The following RTKN variants were observed in gnomAD, a reference collection of about 807,000 sequenced individuals.
RTKN encodes the protein rhotekin.
In RTKN, 49 loss-of-function variants were observed where a neutral mutation model predicts 63.5. That is an observed-to-expected ratio of 0.77 (90% CI 0.61 to 0.98). RTKN has a LOEUF of 0.98. Among genes scored for constraint, RTKN ranks in the 50% least tolerant of loss-of-function variants. The pLI, the probability that RTKN is intolerant of heterozygous loss-of-function variation, is 0.00. For missense variants in RTKN, 685 were observed against 740.8 expected (o/e 0.92, Z 0.87); for synonymous variants, 295 against 290.4 (o/e 1.02, Z -0.16).
intron 11 of RTKN, 61 bp downstream of exon 11, chr2:74,427,108 T>C: frequency 6.4e-7 from 1 of 1,563,830 alleles, no homozygotes; most frequent in East Asian, 2.2e-5. Flanking sequence ...ATCTGGTTTC[T>C]CTTGAAGTCC....
At chr2:74,439,556 G>C in intron 1 of RTKN, 8 of 1,614,150 alleles carry the variant, frequency 5.0e-6, no homozygotes, top group Non-Finnish European at 5.9e-6. Context: ...ATTACCTCCA[G>C]GCTGAGTGCC....
chr2:74,427,677 A>T, intron 9 of RTKN, 85 bp from the exon 10 acceptor site: 1 of 1,427,746 alleles, frequency 7.0e-7, no homozygotes, highest in Admixed American at 2.0e-5. Context: ...CCTTAGAAGA[A>T]TGAGCTTGTG....
At chr2:74,440,485 A>G in intron 1 of RTKN, 1 of 986,766 alleles carries the variant, frequency 1.0e-6, no homozygotes, top group Non-Finnish European at 1.2e-6. Context: ...AGCCAGCTGC[A>G]GCCTAGCGCC....
intron 1 of RTKN, among the ~76,000 whole-genome samples, chr2:74,437,015 C>T (rs1671103341): frequency 6.6e-6 from 1 of 152,152 alleles, no homozygotes; most frequent in Non-Finnish European, 1.5e-5. Flanking sequence ...CACATTAGGC[C>T]CCCTGTTGAT....
At chr2:74,427,823 G>T in intron 9 of RTKN, 1 of 553,558 alleles carries the variant, frequency 1.8e-6, no homozygotes, top group Non-Finnish European at 3.2e-6. Context: ...AAGGGATTGA[G>T]CAAGGCAGGG....
At position 74,425,940 on chromosome 2, in the gene RTKN, C is replaced by T; in HGVS notation, c.*303G>A. On this transcript the variant is annotated 3_prime_UTR_variant, in exon 12 of 12. Transcript: ENST00000272430. Reference sequence around the variant, plus strand: ...AGTCACAAGGGAGGTATGTTTGCTCCAAGGGTTCTTCAGTGCCATCCTCAA... The same window carrying T: ...AGTCACAAGGGAGGTATGTTTGCTCTAAGGGTTCTTCAGTGCCATCCTCAA... 3 of 705,910 alleles carry T rather than the reference C, an allele frequency of 4.2e-6. No homozygotes were observed. The highest frequency in any genetic ancestry group is 4.6e-6 in the Non-Finnish European group (2 of 433,934). The allele number at this position is 705,910 out of a possible 1,614,324, so 43.7% of individuals were successfully genotyped here. A position where few individuals can be genotyped will look rare whatever the true frequency, so the allele number is the denominator to read the frequency against.
At chr2:74,426,626 C>G in intron 11 of RTKN, 52 bp from the exon 12 acceptor site, 24 of 1,503,494 alleles carry the variant, frequency 1.6e-5, no homozygotes, top group Non-Finnish European at 2.1e-5. Context: ...AGAGCTCAGG[C>G]CCCAAGCCTA....
chr2:74,438,259 C>G (rs949381265), intron 1 of RTKN, among the ~76,000 whole-genome samples: 1 of 152,170 alleles, frequency 6.6e-6, no homozygotes, highest in Admixed American at 6.5e-5. Context: ...CTGGAGTTCT[C>G]TTTCTTTGCC....
In RTKN at chr2:74,426,212, T is replaced by C. The variant is rs776469660; in HGVS notation, c.*31A>G. On this transcript the variant is annotated 3_prime_UTR_variant, in exon 12 of 12. Coordinates refer to ENST00000272430, the MANE Select transcript of RTKN (RefSeq NM_001015055.2). ...ACTGCGCATGGGTCATTTTCTCTTC[T>C]GGGCAGATCCTATGCCAGCACCTTT... 4.1e-5 allele frequency: 66 copies of C among 1,594,606 alleles called. No homozygotes were observed. The East Asian group carries it at 1.1e-3, about 27-fold the overall frequency.
rs1056677379 is a variant in RTKN at position 74,436,913 on chromosome 2, C to T, written c.112-4247G>A. ...CAAACACACCCTCTCCCCAAGCGGG[C>T]AGCATTTCCCCTGGGAAAGAGCGCA... On this transcript the variant is annotated intron_variant, in intron 1 of 11. Coordinates refer to ENST00000272430, the MANE Select transcript of RTKN (RefSeq NM_001015055.2). This position sits in a 1 kb window ranked among gnomAD's most constrained non-coding sequence, Gnocchi z 4.3. Among the ~76,000 whole-genome samples, 23 of 152,318 alleles carry T rather than the reference C, an allele frequency of 1.5e-4. No individual in the cohort carries two copies. Among genetic ancestry groups the T allele is most frequent in the Admixed American group, 9.1e-4 (14 of 15,310 alleles).
chr2:74,428,669 T>G lies in RTKN; in HGVS notation c.919A>C (p.Met307Leu). The G allele has an allele frequency of 6.2e-7, 1 of 1,613,962 alleles. No homozygotes were observed. The highest frequency in any genetic ancestry group is 1.3e-5 in the African/African-American group (1 of 75,010). ...GTACCACTTGCAGTGGGCTGAGTCATGCAGAGAGGCTGAGCTGCCAGACGG... is the reference window on the plus strand; with the variant it reads ...GTACCACTTGCAGTGGGCTGAGTCAGGCAGAGAGGCTGAGCTGCCAGACGG... ...CCRLAAQPLC[M>L]TQPTASGTLR... The change falls in exon 8 of 12, where the codon ATG (methionine) becomes CTG (leucine). Residue 307 changes from methionine (M) to leucine (L), a missense_variant. Met to Leu is a conservative substitution (Grantham distance 15). Transcript: ENST00000272430.
At chr2:74,426,882 G>C in intron 11 of RTKN, 1 of 1,358,562 alleles carries the variant, frequency 7.4e-7, no homozygotes, top group Non-Finnish European at 9.4e-7. Flanking sequence ...GTCAGAAGAA[G>C]AGACAGGAAT....
At position 74,428,740 on chromosome 2, in the gene RTKN, G is replaced by A. The variant is rs753449464; in HGVS notation, c.851-3C>T. 1 of 1,612,390 alleles carries A rather than the reference G, an allele frequency of 6.2e-7. No homozygotes were observed. On this transcript the variant is annotated splice_polypyrimidine_tract_variant and splice_region_variant and intron_variant, in intron 7 of 11. Coordinates refer to ENST00000272430, the MANE Select transcript of RTKN (RefSeq NM_001015055.2). The stretch of plus-strand genomic sequence containing the variant: ...GGGCAGCCAGGCAGGGTTCTCCTCT[G>A]GGGGAGGAGGAAGTGCAGGGTGAGG...
rs1407643462 is a variant in RTKN at position 74,427,534 on chromosome 2, C to G, written c.1145G>C (p.Ser382Thr). The change falls in exon 10 of 12, where the codon AGC (serine) becomes ACC (threonine). Residue 382 changes from serine (S) to threonine (T), a missense_variant. Ser to Thr is a moderately conservative substitution (Grantham distance 58, BLOSUM62 1). Coordinates refer to ENST00000272430, the MANE Select transcript of RTKN (RefSeq NM_001015055.2). ...DQALGRPFTL[S>T]ISNQYGDDEV... is the part of the protein sequence containing the mutation. ...ATCATCCCCATACTGGTTACTGATGCTTAGGGTGAAGGGCCGTCCTAGAGC... is the reference window on the plus strand; with the variant it reads ...ATCATCCCCATACTGGTTACTGATGGTTAGGGTGAAGGGCCGTCCTAGAGC... The G allele has an allele frequency of 1.9e-6, 3 of 1,613,986 alleles. No individual in the cohort carries two copies. Among genetic ancestry groups the G allele is most frequent in the Admixed American group, 1.7e-5 (1 of 59,996 alleles).
Position 74,428,904 on chromosome 2 carries a change from G to A in RTKN, c.794C>T (p.Thr265Ile). 1.2e-6 allele frequency: 2 copies of A among 1,614,190 alleles called. No homozygotes were observed. The highest frequency in any genetic ancestry group is 1.7e-6 in the Non-Finnish European group (2 of 1,180,036). Residue 265 changes from threonine (T) to isoleucine (I), a missense_variant, in exon 7 of 12, where the codon ACC becomes ATC. Coordinates refer to ENST00000272430, the MANE Select transcript of RTKN (RefSeq NM_001015055.2). ...RYHLLAHTTL[T>I]LAAVQDGFRT... ...GAATCCATCTTGCACTGCTGCCAGG[G>A]TGAGTGTGGTGTGAGCCAAGAGGTG...
Position 74,426,148 on chromosome 2 carries a change from T to C in RTKN, c.*95A>G. 2 of 1,147,766 alleles carry C rather than the reference T, an allele frequency of 1.7e-6. No individual in the cohort carries two copies. The highest frequency in any genetic ancestry group is 2.5e-6 in the Non-Finnish European group (2 of 789,652). 71.1% of individuals were successfully genotyped at this position (1,147,766 alleles called of 1,614,324 possible). On this transcript the variant is annotated 3_prime_UTR_variant, in exon 12 of 12. Transcript: ENST00000272430. Reference sequence around the variant, plus strand: ...CCAGCAGAGGAACAGGAGGCCAGACTGGCCAACTTGCTATAGACAGCGCCG... The same window carrying C: ...CCAGCAGAGGAACAGGAGGCCAGACCGGCCAACTTGCTATAGACAGCGCCG...
chr2:74,440,517 C>A (rs572471785), intron 1 of RTKN: 2 of 986,392 alleles, frequency 2.0e-6, no homozygotes, highest in East Asian at 1.1e-4. Flanking sequence ...GCCAGGCCCA[C>A]GGAGTCACAC....
At chr2:74,429,349 G>T (rs747127072) in intron 6 of RTKN, among the ~76,000 whole-genome samples, 7 of 152,166 alleles carry the variant, frequency 4.6e-5, no homozygotes, top group Non-Finnish European at 1.0e-4. Flanking sequence ...GTCCCATGCG[G>T]TGTCTCCAGG....
intron 1 of RTKN, among the ~76,000 whole-genome samples, chr2:74,439,164 G>T (rs1671214048): frequency 6.6e-6 from 1 of 152,032 alleles, no homozygotes; most frequent in Non-Finnish European, 1.5e-5. Flanking sequence ...CTGTCTCAAG[G>T]GCCAGCAGAA....
Sources: gnomAD v4.1 joint callset for allele counts (sites outside exome capture counted in the v4.1 genomes callset) on GRCh38, gnomAD v4.1.1 for gene constraint, Gnocchi (gnomAD v3.1) non-coding constraint, MANE v1.5 for transcripts, NCBI Gene and HGNC (gene_info 2026-07-23, HGNC 2026-07-21) for gene names.